SFMBT2: variants seen among roughly 807,000 people sequenced by gnomAD.
The protein encoded by SFMBT2 is scm-like with four MBT domains protein 2.
In SFMBT2, 38 loss-of-function variants were observed where a neutral mutation model predicts 110.1. The ratio of observed to expected loss-of-function variants is 0.35; its 90% CI spans 0.27 to 0.45. The LOEUF is 0.45. Ranked by LOEUF, SFMBT2 falls within the 20% of genes least tolerant of loss-of-function variation. The pLI is 1.00. For synonymous variants in SFMBT2, 425 were observed against 425.4 expected (o/e 1.00, Z 0.01); for missense variants, 1,011 against 1,094.9 (o/e 0.92, Z 1.08).
chr10:7,176,329 A>G lies in SFMBT2; in HGVS notation c.1809-164T>C, dbSNP rs964802561. On this transcript the variant is annotated intron_variant, in intron 16 of 20. Transcript: ENST00000397167. ...GTTATTTCTCACAGAGATATTTATA[A>G]GAAGTGCTCACTAGTGTGCAACAAA... is the stretch of plus-strand genomic sequence containing the variant. 3.4e-5 allele frequency: 18 copies of G among 534,678 alleles called. No homozygotes were observed. The African/African-American group carries it at 3.7e-4, about 11-fold the overall frequency. The allele number at this position is 534,678 out of a possible 1,614,324, so 33.1% of individuals were successfully genotyped here. A position where few individuals can be genotyped will look rare whatever the true frequency, so the allele number is the denominator to read the frequency against.
At chr10:7,351,889 A>G (rs1284071882) in intron 4 of SFMBT2, among the ~76,000 whole-genome samples, 2 of 151,746 alleles carry the variant, frequency 1.3e-5, no homozygotes, top group Non-Finnish European at 2.9e-5. Context: ...AAATATATAT[A>G]TATATATCTG....
intron 4 of SFMBT2, among the ~76,000 whole-genome samples, chr10:7,322,696 T>A (rs143484465): frequency 1.8e-4 from 28 of 151,416 alleles, no homozygotes; most frequent in African/African-American, 6.5e-4. Context: ...GAGGGGACAG[T>A]GGGGAGGCGA....
intron 4 of SFMBT2, among the ~76,000 whole-genome samples, chr10:7,341,236 A>G (rs1230774984): frequency 1.3e-5 from 2 of 152,208 alleles, no homozygotes; most frequent in Admixed American, 6.5e-5. Flanking sequence ...TGTTGTGGAC[A>G]CTAAGGATTA....
At chr10:7,384,740 A>G (rs1254863613) in intron 1 of SFMBT2, among the ~76,000 whole-genome samples, 2 of 152,170 alleles carry the variant, frequency 1.3e-5, no homozygotes, top group Non-Finnish European at 2.9e-5. Context: ...TGTGGGTATC[A>G]GTTTGCTAAA....
At chr10:7,231,549 T>C (rs1261003923) in intron 9 of SFMBT2, among the ~76,000 whole-genome samples, 3 of 152,202 alleles carry the variant, frequency 2.0e-5, no homozygotes, top group Admixed American at 6.5e-5. Flanking sequence ...CTCTCTAAAA[T>C]GTCATGCCTC....
At position 7,172,849 on chromosome 10, in the gene SFMBT2, G is replaced by A. The variant is rs991422094; in HGVS notation, c.1985-188C>T. 2.0e-5 allele frequency among the ~76,000 whole-genome samples: 3 copies of A among 152,134 alleles called. No homozygotes were observed. Among genetic ancestry groups the A allele is most frequent in the East Asian group, 1.9e-4 (1 of 5,198 alleles). On this transcript the variant is annotated intron_variant, in intron 17 of 20. Transcript: ENST00000397167. The surrounding 1 kb of genome is among the most constrained non-coding windows in gnomAD (Gnocchi z 4.6). ...AAAGCTTCAGGTCTGGAAGGTGTTC[G>A]GGCTGAACTTGGCCCGTCCCCAGTG...
At chr10:7,350,305 A>C (rs994874390) in intron 4 of SFMBT2, among the ~76,000 whole-genome samples, 1 of 151,994 alleles carries the variant, frequency 6.6e-6, no homozygotes, top group Non-Finnish European at 1.5e-5. Flanking sequence ...TGCAACCTGA[A>C]TTGTCCATCC....
intron 11 of SFMBT2, among the ~76,000 whole-genome samples, chr10:7,218,464 G>A (rs1839615996): frequency 6.6e-6 from 1 of 152,170 alleles, no homozygotes; most frequent in Admixed American, 6.5e-5. Context: ...GCATGATTTT[G>A]AGCAATAATT....
chr10:7,357,516 C>T (rs1844560262), intron 4 of SFMBT2, among the ~76,000 whole-genome samples: 1 of 152,194 alleles, frequency 6.6e-6, no homozygotes, highest in Non-Finnish European at 1.5e-5. Context: ...CAAACTGCAG[C>T]TCTTTCCTAA....
chr10:7,312,505 G>A (rs548628737), intron 4 of SFMBT2, among the ~76,000 whole-genome samples: 1 of 152,314 alleles, frequency 6.6e-6, no homozygotes, highest in South Asian at 2.1e-4. Flanking sequence ...AAAAGAGAAT[G>A]ACGAGAATCC....
intron 4 of SFMBT2, among the ~76,000 whole-genome samples, chr10:7,286,617 T>A (rs1190468250): frequency 6.6e-6 from 1 of 152,242 alleles, no homozygotes; most frequent in Non-Finnish European, 1.5e-5. Flanking sequence ...TTACATAGTA[T>A]CTACATTGTA....
intron 1 of SFMBT2, among the ~76,000 whole-genome samples, chr10:7,393,453 T>G (rs2132109741): frequency 6.6e-6 from 1 of 152,282 alleles, no homozygotes; most frequent in South Asian, 2.1e-4. Context: ...TAAACAATAA[T>G]TAAATTGGGG....
rs920007429 is a variant in SFMBT2 at position 7,291,248 on chromosome 10, A to G, written c.437-5294T>C. 3.3e-5 allele frequency among the ~76,000 whole-genome samples: 5 copies of G among 152,094 alleles called. No individual in the cohort carries two copies. The East Asian group carries it at 9.6e-4, about 29-fold the overall frequency. ...GAAGAGAAAGGCCATTTTCACTCAC[A>G]CTCTAGCCCACAGGAAGGGAGTTTG... On this transcript the variant is annotated intron_variant, in intron 4 of 20. Coordinates refer to ENST00000397167, the MANE Select transcript of SFMBT2 (RefSeq NM_001387889.1).
intron 4 of SFMBT2, among the ~76,000 whole-genome samples, chr10:7,347,591 A>C (rs190997072): frequency 1.1e-4 from 17 of 152,310 alleles, no homozygotes; most frequent in Non-Finnish European, 2.1e-4. Context: ...AACACTTAAA[A>C]ATCTTTATAG....
At chr10:7,255,281 G>C (rs965355061) in intron 7 of SFMBT2, among the ~76,000 whole-genome samples, 3 of 152,216 alleles carry the variant, frequency 2.0e-5, no homozygotes, top group Non-Finnish European at 4.4e-5. Flanking sequence ...ATTTGAAAGA[G>C]ACATTCTTGG....
chr10:7,182,816 T>C (rs967617211), intron 16 of SFMBT2, among the ~76,000 whole-genome samples: 1 of 151,384 alleles, frequency 6.6e-6, no homozygotes, highest in South Asian at 2.1e-4. Flanking sequence ...TGTATACATA[T>C]GTAACTAACC....
At chr10:7,255,941 A>G (rs1425700102) in intron 7 of SFMBT2, among the ~76,000 whole-genome samples, 1 of 152,222 alleles carries the variant, frequency 6.6e-6, no homozygotes, top group Non-Finnish European at 1.5e-5. Context: ...TGTACTGCAA[A>G]TATTCCAAAA....
chr10:7,405,910 T>C (rs914310260), intron 1 of SFMBT2, among the ~76,000 whole-genome samples: 3 of 144,962 alleles, frequency 2.1e-5, no homozygotes, highest in Non-Finnish European at 3.0e-5. Context: ...AATACACACA[T>C]TGACTTCCTG....
chr10:7,370,059 C>T (rs1845019259), intron 3 of SFMBT2, among the ~76,000 whole-genome samples: 1 of 152,096 alleles, frequency 6.6e-6, no homozygotes, highest in Admixed American at 6.6e-5. Flanking sequence ...TGGGATTTAG[C>T]CATGTTTCCC....
Sources: allele counts gnomAD v4.1 joint callset (sites outside exome capture counted in the v4.1 genomes callset), GRCh38; gene constraint gnomAD v4.1.1; non-coding constraint Gnocchi (gnomAD v3.1); transcripts MANE v1.5; gene names NCBI Gene and HGNC (gene_info 2026-07-23, HGNC 2026-07-21).